RPS6KA2: variants seen among roughly 807,000 people sequenced by gnomAD.
RPS6KA2 encodes ribosomal protein S6 kinase alpha-2.
RPS6KA2 carries 42 observed loss-of-function variants against 91.8 expected under a neutral mutation model. That is an observed-to-expected ratio of 0.46 (90% CI 0.36 to 0.59). RPS6KA2 has a LOEUF of 0.59. RPS6KA2 is among the 20% of genes least tolerant of loss of function. The pLI, the probability that RPS6KA2 is intolerant of heterozygous loss-of-function variation, is 0.00. For synonymous variants in RPS6KA2, 414 were observed against 393.6 expected (o/e 1.05, Z -0.61); for missense variants, 798 against 978.5 (o/e 0.82, Z 2.46).
At chr6:166,684,491 C>T (rs1788945272) in intron 2 of RPS6KA2, among the ~76,000 whole-genome samples, 1 of 152,172 alleles carries the variant, frequency 6.6e-6, no homozygotes, top group African/African-American at 2.4e-5. Flanking sequence ...TTCCACCCTA[C>T]CGTCTGCTTG....
chr6:166,633,714 G>A (rs184428050), intron 2 of RPS6KA2, among the ~76,000 whole-genome samples: 90 of 152,306 alleles, frequency 5.9e-4, no homozygotes, highest in African/African-American at 2.1e-3. Flanking sequence ...TATAATTACA[G>A]TTATAATTAT....
intron 2 of RPS6KA2, among the ~76,000 whole-genome samples, chr6:166,748,523 C>T (rs558847289): frequency 2.5e-4 from 38 of 151,518 alleles, no homozygotes; most frequent in Non-Finnish European, 5.0e-4. Context: ...CATGGGGGCC[C>T]CACCTCCTCG....
intron 2 of RPS6KA2, among the ~76,000 whole-genome samples, chr6:166,788,193 C>G (rs539320833): frequency 3.2e-4 from 48 of 152,136 alleles, no homozygotes; most frequent in Non-Finnish European, 5.9e-4. Context: ...AAAATAGATG[C>G]TGGTGAGGCT....
At chr6:166,810,710 T>C (rs941163398) in intron 2 of RPS6KA2, among the ~76,000 whole-genome samples, 1 of 152,220 alleles carries the variant, frequency 6.6e-6, no homozygotes. Flanking sequence ...GAAAACTTCA[T>C]GGGATCTCCT....
At chr6:166,673,238 G>C (rs1020647806) in intron 2 of RPS6KA2, among the ~76,000 whole-genome samples, 1 of 152,176 alleles carries the variant, frequency 6.6e-6, no homozygotes. Flanking sequence ...ACCCAGGAAG[G>C]CCTCCTCTCA....
At chr6:166,476,669 G>A (rs1482183547) in intron 10 of RPS6KA2, among the ~76,000 whole-genome samples, 1 of 152,106 alleles carries the variant, frequency 6.6e-6, no homozygotes, top group Non-Finnish European at 1.5e-5. Context: ...TCTCCCTGGG[G>A]GAGGCCATAG....
At chr6:166,492,749 G>A (rs1360087871) in intron 8 of RPS6KA2, among the ~76,000 whole-genome samples, 5 of 145,812 alleles carry the variant, frequency 3.4e-5, no homozygotes, top group African/African-American at 5.3e-5. Context: ...ATGGAGTCTC[G>A]CTGTTGCCCA....
At chr6:166,442,929 C>T (rs188469509) in intron 14 of RPS6KA2, among the ~76,000 whole-genome samples, 16 of 152,110 alleles carry the variant, frequency 1.1e-4, no homozygotes, top group African/African-American at 3.4e-4. Context: ...TTAGAGGTAC[C>T]GACCCCTCAA....
At chr6:166,761,952 C>A (rs944479969) in intron 2 of RPS6KA2, among the ~76,000 whole-genome samples, 2 of 152,220 alleles carry the variant, frequency 1.3e-5, no homozygotes, top group African/African-American at 2.4e-5. Context: ...GATGGGGCAG[C>A]CTCGTCTCCC....
chr6:166,686,871 T>C (rs1789034912), intron 2 of RPS6KA2, among the ~76,000 whole-genome samples: 1 of 152,080 alleles, frequency 6.6e-6, no homozygotes, highest in Non-Finnish European at 1.5e-5. Flanking sequence ...TGGCCACAAA[T>C]CCAGGACAGC....
intron 2 of RPS6KA2, among the ~76,000 whole-genome samples, chr6:166,739,495 C>T (rs1336192410): frequency 2.6e-5 from 4 of 152,366 alleles, no homozygotes; most frequent in Admixed American, 2.6e-4. Flanking sequence ...GGCGTTTCTA[C>T]TGTGAGCTCA....
chr6:166,742,597 T>C (rs1790847614), intron 2 of RPS6KA2, among the ~76,000 whole-genome samples: 2 of 152,196 alleles, frequency 1.3e-5, no homozygotes, highest in Admixed American at 6.5e-5. Flanking sequence ...GGCTCTAAGC[T>C]GTACTGCATC....
chr6:166,444,725 G>C (rs1779625051), intron 14 of RPS6KA2, among the ~76,000 whole-genome samples: 2 of 152,222 alleles, frequency 1.3e-5, no homozygotes, highest in South Asian at 4.1e-4. Context: ...CCGAAGTCGA[G>C]AGGGAGGGAC....
chr6:166,742,357 G>C (rs958852406), intron 2 of RPS6KA2, among the ~76,000 whole-genome samples: 1 of 152,242 alleles, frequency 6.6e-6, no homozygotes. Flanking sequence ...ATTTATTGCT[G>C]AGGGAACCCT....
intron 2 of RPS6KA2, among the ~76,000 whole-genome samples, chr6:166,686,692 G>A (rs544260563): frequency 3.0e-4 from 45 of 152,330 alleles, no homozygotes; most frequent in African/African-American, 1.0e-3. Flanking sequence ...CGGCTGAGCT[G>A]GGTCCATGCC....
chr6:166,496,802 A>G (rs1781801796), intron 8 of RPS6KA2, among the ~76,000 whole-genome samples: 1 of 152,262 alleles, frequency 6.6e-6, no homozygotes, highest in South Asian at 2.1e-4. Context: ...CTCTGGGGGA[A>G]TTTGGGGTTC....
chr6:166,695,712 T>TAGGAGCACTGGATTCTCAC (rs1562387923), intron 2 of RPS6KA2, among the ~76,000 whole-genome samples: 2 of 129,508 alleles, frequency 1.5e-5, no homozygotes, highest in Admixed American at 7.3e-5. Context: ...TGGATTCTCC[T>TAGGAGCACTGGATTCTCAC]AGGAGCACTG....
At chr6:166,804,702 A>G (rs1472004712) in intron 2 of RPS6KA2, among the ~76,000 whole-genome samples, 1 of 152,150 alleles carries the variant, frequency 6.6e-6, no homozygotes, top group Non-Finnish European at 1.5e-5. Flanking sequence ...ATTTTTTAAT[A>G]CAATCAAATA....
intron 2 of RPS6KA2, among the ~76,000 whole-genome samples, chr6:166,646,881 G>A: frequency 6.6e-6 from 1 of 152,138 alleles, no homozygotes. Flanking sequence ...GCCGTGGTGG[G>A]TGTGGGCCTC....
Sources: gnomAD v4.1 joint callset for allele counts (sites outside exome capture counted in the v4.1 genomes callset) on GRCh38, gnomAD v4.1.1 for gene constraint, MANE v1.5 for transcripts, NCBI Gene and HGNC (gene_info 2026-07-23, HGNC 2026-07-21) for gene names.